Variants in GRM8 observed in about 807,000 individuals in gnomAD.
GRM8 encodes glutamate metabotropic receptor 8.
Under a neutral mutation model 87.2 loss-of-function variants are expected in GRM8, and 47 were observed. The ratio of observed to expected loss-of-function variants is 0.54; its 90% CI spans 0.43 to 0.69. The LOEUF (loss-of-function observed/expected upper bound fraction) is 0.69, where lower values mean the gene tolerates loss of function less well. GRM8 is among the 30% of genes least tolerant of loss of function. GRM8 has a pLI of 0.00. For synonymous variants in GRM8, 396 were observed against 404.5 expected (o/e 0.98, Z 0.25); for missense variants, 1,019 against 1,139.2 (o/e 0.89, Z 1.52).
intron 2 of GRM8, among the ~76,000 whole-genome samples, chr7:127,210,194 A>G (rs1405373197): frequency 2.0e-5 from 3 of 152,178 alleles, no homozygotes; most frequent in Admixed American, 6.5e-5. Flanking sequence ...CATCACAAAG[A>G]TGTTAGTTTT....
Position 127,086,131 on chromosome 7 carries a change from C to T in GRM8, c.727+20365G>A, listed in dbSNP as rs577848420. Among the ~76,000 whole-genome samples the T allele has an allele frequency of 8.5e-5, 13 of 152,254 alleles. No individual in the cohort carries two copies. The East Asian group carries it at 2.3e-3, about 27-fold the overall frequency. ...TGTTTTGTTTTTTGAGATGGAGTCT[C>T]GCTCTGTCACCCAGGCTGGAGTGCA... On this transcript the variant is annotated intron_variant, in intron 3 of 10. Transcript: ENST00000339582.
At chr7:127,168,997 C>T (rs973175335) in intron 2 of GRM8, among the ~76,000 whole-genome samples, 14 of 80,742 alleles carry the variant, frequency 1.7e-4, no homozygotes, top group Admixed American at 1.5e-3. Flanking sequence ...ACTGCAGAAA[C>T]TATAAAAAAA....
chr7:127,221,485 C>G (rs1418553881), intron 2 of GRM8, among the ~76,000 whole-genome samples: 1 of 152,126 alleles, frequency 6.6e-6, no homozygotes, highest in African/African-American at 2.4e-5. Context: ...CCAGGTTGCC[C>G]GTAGCTCAAG....
chr7:127,208,230 G>A (rs1168591384), intron 2 of GRM8, among the ~76,000 whole-genome samples: 1 of 152,152 alleles, frequency 6.6e-6, no homozygotes, highest in African/African-American at 2.4e-5. Context: ...CCACCCCAAA[G>A]TGAACATGGG....
At chr7:127,022,360 T>C (rs955835942) in intron 3 of GRM8, among the ~76,000 whole-genome samples, 1 of 152,078 alleles carries the variant, frequency 6.6e-6, no homozygotes, top group African/African-American at 2.4e-5. Context: ...TGTATTTAAA[T>C]ATATAAATCA....
At chr7:126,439,323 C>T (rs1801188079) in intron 10 of GRM8, among the ~76,000 whole-genome samples, 155 bp from the exon 11 acceptor site, 1 of 152,084 alleles carries the variant, frequency 6.6e-6, no homozygotes, top group South Asian at 2.1e-4. Context: ...CAGTCATGCA[C>T]AGCACAACGA....
At chr7:127,187,107 G>A (rs1015459197) in intron 2 of GRM8, among the ~76,000 whole-genome samples, 1 of 152,144 alleles carries the variant, frequency 6.6e-6, no homozygotes, top group East Asian at 1.9e-4. Flanking sequence ...CTCAGACAGT[G>A]AGAGCAAGAT....
chr7:127,205,213 T>C (rs1462058480), intron 2 of GRM8, among the ~76,000 whole-genome samples: 1 of 152,188 alleles, frequency 6.6e-6, no homozygotes, highest in East Asian at 1.9e-4. Flanking sequence ...GCATTAGTAA[T>C]GGAGTCATTG....
Position 127,243,160 on chromosome 7 carries a change from G to A in GRM8, c.45C>T (p.Phe15=). Residue 15 remains phenylalanine (F), a synonymous_variant, in exon 2 of 11, where the codon TTC becomes TTT. Transcript: ENST00000339582. ...TCCAGTAGAACTTGGCGGTCAAGAG[G>A]AAGAAACAAGGGCAAGAGGCTGATC... The part of the protein sequence containing the change: ...GKRSASCPCF[F]LLTAKFYWIL... 6.2e-7 allele frequency: 1 copy of A among 1,613,128 alleles called. No individual in the cohort carries two copies. Among genetic ancestry groups the A allele is most frequent in the Non-Finnish European group, 8.5e-7 (1 of 1,179,980 alleles).
rs185675840 is a variant in GRM8, at chr7:126,788,358, C to T, written c.1157-18293G>A. Among the ~76,000 whole-genome samples the T allele has an allele frequency of 3.5e-5, 4 of 114,278 alleles. No individual in the cohort carries two copies. The Admixed American group carries it at 3.6e-4, about 10-fold the overall frequency. 75.0% of individuals were successfully genotyped at this position (114,278 alleles called of 152,430 possible). On this transcript the variant is annotated intron_variant, in intron 6 of 10. Transcript: ENST00000339582. ...CCAGCAAGTGAAGGTTGCAGTGAGC[C>T]GAGAGTATACCACTGCACTTTAGCC...
intron 2 of GRM8, among the ~76,000 whole-genome samples, chr7:127,167,214 T>C (rs572806073): frequency 1.3e-5 from 2 of 152,140 alleles, no homozygotes; most frequent in African/African-American, 4.8e-5. Context: ...GTTTTAATAA[T>C]GAAACTGACC....
chr7:126,740,758 G>A (rs1010144537), intron 7 of GRM8, among the ~76,000 whole-genome samples: 1 of 152,114 alleles, frequency 6.6e-6, no homozygotes, highest in African/African-American at 2.4e-5. Flanking sequence ...TTTGGCAGCA[G>A]AGTCTTGTCT....
chr7:126,682,880 C>G (rs986339170), intron 7 of GRM8, among the ~76,000 whole-genome samples: 1 of 152,116 alleles, frequency 6.6e-6, no homozygotes, highest in Non-Finnish European at 1.5e-5. Flanking sequence ...GAAACCCTGT[C>G]TTTACTAAAA....
rs202203335 is a variant in GRM8 at position 126,707,139 on chromosome 7, A to AT, written c.1357+62725dup. 3.3e-4 allele frequency among the ~76,000 whole-genome samples: 50 copies of AT among 151,154 alleles called. 2 individuals carry two copies. In the South Asian group the frequency reaches 0.011, roughly 32 times the overall value. On this transcript the variant is annotated intron_variant, in intron 7 of 10. Transcript: ENST00000339582. ...GGCAACATGGCAAAACCCTATCTCT[A>AT]TTTTTTTTTAAATGTCTAATGAAAA... is the stretch of plus-strand genomic sequence containing the variant.
At chr7:126,671,925 C>G (rs1002219307) in intron 7 of GRM8, among the ~76,000 whole-genome samples, 2 of 152,070 alleles carry the variant, frequency 1.3e-5, no homozygotes, top group Non-Finnish European at 2.9e-5. Flanking sequence ...GGAGTCCATG[C>G]GACCCCCGCT....
chr7:127,216,523 AAAAAAAAAAAAC>A (rs1208993967), intron 2 of GRM8, among the ~76,000 whole-genome samples: 1 of 150,554 alleles, frequency 6.6e-6, no homozygotes, highest in Non-Finnish European at 1.5e-5. Flanking sequence ...GTCTCAAAAA[AAAAAAAAAAAAC>A]AAAAAAAAAA....
chr7:126,854,656 G>C (rs1040885792), intron 6 of GRM8, among the ~76,000 whole-genome samples: 5 of 152,124 alleles, frequency 3.3e-5, no homozygotes, highest in African/African-American at 1.2e-4. Context: ...TTCATTCTTA[G>C]CTGCTATGTC....
intron 7 of GRM8, among the ~76,000 whole-genome samples, chr7:126,649,316 C>T (rs1296766212): frequency 6.6e-6 from 1 of 152,126 alleles, no homozygotes; most frequent in Admixed American, 6.5e-5. Flanking sequence ...GCTGCCAGCA[C>T]AGCCAGAATA....
intron 8 of GRM8, among the ~76,000 whole-genome samples, chr7:126,586,349 C>CA (rs1796123433): frequency 6.6e-6 from 1 of 151,986 alleles, no homozygotes; most frequent in African/African-American, 2.4e-5. Context: ...TCATATGAAC[C>CA]AAAAAAGAGC....
Sources: allele counts gnomAD v4.1 joint callset (sites outside exome capture counted in the v4.1 genomes callset), GRCh38; gene constraint gnomAD v4.1.1; transcripts MANE v1.5; gene names NCBI Gene and HGNC (gene_info 2026-07-23, HGNC 2026-07-21).